C5orf24: variants seen among roughly 807,000 people sequenced by gnomAD.
The protein encoded by C5orf24 is UPF0461 protein C5orf24.
C5orf24 carries 4 observed loss-of-function variants against 9.8 expected under a neutral mutation model. The observed-to-expected ratio is 0.41, with a 90% CI of 0.20 to 0.93. The LOEUF is 0.93. C5orf24 is among the 40% of genes least tolerant of loss of function. C5orf24 has a pLI of 0.33. For missense variants in C5orf24, 170 were observed against 236.9 expected (o/e 0.72, Z 1.85); for synonymous variants, 73 against 81.3 (o/e 0.90, Z 0.55).
Position 134,857,512 on chromosome 5 carries a change from A to C in C5orf24, c.*2045A>C, listed in dbSNP as rs978843610. 27 of 1,283,250 alleles carry C rather than the reference A, an allele frequency of 2.1e-5. No individual in the cohort carries two copies. Among genetic ancestry groups the C allele is most frequent in the Non-Finnish European group, 2.6e-5 (25 of 980,278 alleles). 79.5% of individuals were successfully genotyped at this position (1,283,250 alleles called of 1,614,324 possible). A position where few individuals can be genotyped will look rare whatever the true frequency, so the allele number is the denominator to read the frequency against. ...ACCTCAACAATATTAGCTTTGCACAAACCATAGAGAACGATGTTGGATGGT... is the reference window on the plus strand; with the variant it reads ...ACCTCAACAATATTAGCTTTGCACACACCATAGAGAACGATGTTGGATGGT... On this transcript the variant is annotated 3_prime_UTR_variant, in exon 2 of 2. Transcript: ENST00000394976.
In C5orf24 at chr5:134,856,558, T is replaced by C; in HGVS notation, c.*1091T>C. 2 of 351,808 alleles carry C rather than the reference T, an allele frequency of 5.7e-6. No homozygotes were observed. The highest frequency in any genetic ancestry group is 8.4e-6 in the Non-Finnish European group (2 of 239,132). 21.8% of individuals were successfully genotyped at this position (351,808 alleles called of 1,614,324 possible). A position where few individuals can be genotyped will look rare whatever the true frequency, so the allele number is the denominator to read the frequency against. On this transcript the variant is annotated 3_prime_UTR_variant, in exon 2 of 2. Coordinates refer to ENST00000394976, the MANE Select transcript of C5orf24 (RefSeq NM_001135586.1). Reference sequence around the variant, plus strand: ...GGGGAGGCTGAGGCAGGAGAATTGCTTAAATCCAGGAGGCGGAGGTTGCAG... The same window carrying C: ...GGGGAGGCTGAGGCAGGAGAATTGCCTAAATCCAGGAGGCGGAGGTTGCAG...
rs1580848484 is a variant in C5orf24 at position 134,859,028 on chromosome 5, A to G, written c.*3561A>G. On this transcript the variant is annotated 3_prime_UTR_variant, in exon 2 of 2. Transcript: ENST00000394976. ...CTTTGAGTTGAGGAGAAAAAAATAT[A>G]TATGTGGGTCCATTTATTAGGTTAA... is the stretch of plus-strand genomic sequence containing the variant. 1 of 167,056 alleles carries G rather than the reference A, an allele frequency of 6.0e-6. No individual in the cohort carries two copies. 10.3% of individuals were successfully genotyped at this position (167,056 alleles called of 1,614,324 possible).
chr5:134,857,510 C>T lies in C5orf24; in HGVS notation c.*2043C>T. ...TGACCTCAACAATATTAGCTTTGCA[C>T]AAACCATAGAGAACGATGTTGGATG... On this transcript the variant is annotated 3_prime_UTR_variant, in exon 2 of 2. Transcript: ENST00000394976. 7.5e-7 allele frequency: 1 copy of T among 1,325,428 alleles called. No individual in the cohort carries two copies. The highest frequency in any genetic ancestry group is 9.9e-7 in the Non-Finnish European group (1 of 1,008,124). The allele number at this position is 1,325,428 out of a possible 1,614,324, so 82.1% of individuals were successfully genotyped here. A position where few individuals can be genotyped will look rare whatever the true frequency, so the allele number is the denominator to read the frequency against.
intron 1 of C5orf24, among the ~76,000 whole-genome samples, chr5:134,849,493 GTTAA>G (rs548870724): frequency 8.9e-4 from 135 of 152,216 alleles, no homozygotes; most frequent in African/African-American, 3.0e-3. Flanking sequence ...CGTTTTTAAA[GTTAA>G]TTATTTACGA....
At chr5:134,850,629 C>T (rs1396644931) in intron 1 of C5orf24, among the ~76,000 whole-genome samples, 2 of 151,938 alleles carry the variant, frequency 1.3e-5, no homozygotes, top group East Asian at 3.9e-4. Flanking sequence ...TGCACCACTA[C>T]ACCAGGCTAA....
chr5:134,841,639 G>C (rs139382259), upstream of C5orf24, among the ~76,000 whole-genome samples: 214 of 152,262 alleles, frequency 1.4e-3, 4 homozygotes, highest in East Asian at 0.035. Context: ...TGTTGTAAGA[G>C]GAGAAGCTTT....
In C5orf24 at chr5:134,857,088, A is replaced by G; in HGVS notation, c.*1621A>G. Reference sequence around the variant, plus strand: ...CTTTCTTCTTTCCTTTCTGAAAGTAATACTTCTTGTTACACATTTTATTTA... The same window carrying G: ...CTTTCTTCTTTCCTTTCTGAAAGTAGTACTTCTTGTTACACATTTTATTTA... On this transcript the variant is annotated 3_prime_UTR_variant, in exon 2 of 2. Coordinates refer to ENST00000394976, the MANE Select transcript of C5orf24 (RefSeq NM_001135586.1). The G allele has an allele frequency of 2.6e-6, 3 of 1,173,544 alleles. No homozygotes were observed. Among genetic ancestry groups the G allele is most frequent in the Non-Finnish European group, 3.2e-6 (3 of 937,460 alleles). The allele number at this position is 1,173,544 out of a possible 1,614,324, so 72.7% of individuals were successfully genotyped here.
At chr5:134,842,489 C>T (rs1469153378), upstream of C5orf24, among the ~76,000 whole-genome samples, 2 of 145,990 alleles carry the variant, frequency 1.4e-5, no homozygotes, top group Non-Finnish European at 3.0e-5. Flanking sequence ...AGTGAGACTC[C>T]ATCTGAAAAA....
rs1309459823 is a variant in C5orf24, at chr5:134,859,403, C to T, written c.*3936C>T. 6.0e-6 allele frequency: 1 copy of T among 166,862 alleles called. No individual in the cohort carries two copies. The highest frequency in any genetic ancestry group is 1.5e-5 in the Non-Finnish European group (1 of 68,088). The allele number at this position is 166,862 out of a possible 1,614,324, so 10.3% of individuals were successfully genotyped here. On this transcript the variant is annotated 3_prime_UTR_variant, in exon 2 of 2. Transcript: ENST00000394976. ...CTCCAAATATATAAATCTGTGCTCT[C>T]ACATGTAATGTATTTAATTTTTGGA...
intron 1 of C5orf24, among the ~76,000 whole-genome samples, chr5:134,853,483 G>A (rs938066628): frequency 7.1e-5 from 10 of 141,590 alleles, no homozygotes; most frequent in Non-Finnish European, 4.6e-5. Flanking sequence ...TCACAGGGAT[G>A]TCCTTACAGA....
At chr5:134,849,993 T>C (rs148144641) in intron 1 of C5orf24, among the ~76,000 whole-genome samples, 282 of 152,126 alleles carry the variant, frequency 1.9e-3, no homozygotes, top group African/African-American at 6.6e-3. Context: ...TTGGAATAAA[T>C]AGCTTTACTC....
upstream of C5orf24, among the ~76,000 whole-genome samples, chr5:134,844,289 G>A (rs183723887): frequency 7.9e-5 from 12 of 152,126 alleles, no homozygotes; most frequent in Admixed American, 6.6e-4. Context: ...TTCTATATTG[G>A]TATTTTCCTT....
intron 1 of C5orf24, among the ~76,000 whole-genome samples, chr5:134,853,528 CTTTTTTTTTTTTTT>C (rs773207000): frequency 9.6e-6 from 1 of 104,242 alleles, no homozygotes. Flanking sequence ...TCTTCTTCTT[CTTTTTTTTTTTTTT>C]TTTTTTTTTC....
chr5:134,856,669 A>G lies in C5orf24; in HGVS notation c.*1202A>G, dbSNP rs948764249. 11 of 812,168 alleles carry G rather than the reference A, an allele frequency of 1.4e-5. No homozygotes were observed. In the East Asian group the frequency reaches 3.8e-4, roughly 28 times the overall value. 50.3% of individuals were successfully genotyped at this position (812,168 alleles called of 1,614,324 possible). ...TAAATAAATAAATAAATAAATAAATAAATAAATAAATAAAACCATTTATTG... is the reference window on the plus strand; with the variant it reads ...TAAATAAATAAATAAATAAATAAATGAATAAATAAATAAAACCATTTATTG... On this transcript the variant is annotated 3_prime_UTR_variant, in exon 2 of 2. Coordinates refer to ENST00000394976, the MANE Select transcript of C5orf24 (RefSeq NM_001135586.1).
intron 1 of C5orf24, among the ~76,000 whole-genome samples, chr5:134,851,427 A>C (rs1379740709): frequency 6.7e-6 from 1 of 149,150 alleles, no homozygotes. Context: ...TGAAGGGTGG[A>C]TTCCCCGCCC....
chr5:134,846,067 C>G lies in C5orf24; in HGVS notation c.-149C>G, dbSNP rs944207091. On this transcript the variant is annotated 5_prime_UTR_variant, in exon 1 of 2. Transcript: ENST00000394976. ...TGGGAGCCAGCGCCTGCCTCGCCGCCGCCCTCGCTGCCTGCCACTCCGTCT... is the reference window on the plus strand; with the variant it reads ...TGGGAGCCAGCGCCTGCCTCGCCGCGGCCCTCGCTGCCTGCCACTCCGTCT... 4 of 152,304 alleles carry G rather than the reference C, an allele frequency of 2.6e-5. No homozygotes were observed. Among genetic ancestry groups the G allele is most frequent in the African/African-American group, 9.6e-5 (4 of 41,458 alleles). The allele number at this position is 152,304 out of a possible 1,614,324, so 9.4% of individuals were successfully genotyped here.
chr5:134,851,937 A>T (rs1209279147), intron 1 of C5orf24, among the ~76,000 whole-genome samples: 1 of 152,132 alleles, frequency 6.6e-6, no homozygotes, highest in Admixed American at 6.5e-5. Context: ...AATGATAATT[A>T]ATAATCTAGT....
chr5:134,840,529 C>T, the C5orf24 span, among the ~76,000 whole-genome samples: 7 of 151,746 alleles, frequency 4.6e-5, no homozygotes, highest in Middle Eastern at 3.2e-3. Flanking sequence ...CGTGAACTAC[C>T]GTGCCTGGTT....
At chr5:134,853,371 A>AAC (rs1215644806) in intron 1 of C5orf24, among the ~76,000 whole-genome samples, 2 of 150,830 alleles carry the variant, frequency 1.3e-5, no homozygotes, top group Admixed American at 1.3e-4. Context: ...AAAAAAAAAA[A>AAC]AAAAAAAAAC....
Sources: allele counts gnomAD v4.1 joint callset (sites outside exome capture counted in the v4.1 genomes callset), GRCh38; gene constraint gnomAD v4.1.1; transcripts MANE v1.5; gene names NCBI Gene and HGNC (gene_info 2026-07-23, HGNC 2026-07-21).